The following UGT2A3 variants were observed in gnomAD, a reference collection of about 807,000 sequenced individuals.
UGT2A3 encodes the protein UDP-glucuronosyltransferase 2A3.
Under a neutral mutation model 44.1 loss-of-function variants are expected in UGT2A3, and 55 were observed. That is an observed-to-expected ratio of 1.25 (90% CI 1.00 to 1.56). The LOEUF (loss-of-function observed/expected upper bound fraction) is 1.56. Among genes scored for constraint, UGT2A3 ranks in the 40% most tolerant of loss-of-function variants. The pLI, the probability that UGT2A3 is intolerant of heterozygous loss-of-function variation, is 0.00. For missense variants in UGT2A3, 733 were observed against 621.6 expected (o/e 1.18, Z -1.91); for synonymous variants, 243 against 215.1 (o/e 1.13, Z -1.13).
chr4:68,942,955 T>C (rs184931772), intron 2 of UGT2A3, among the ~76,000 whole-genome samples: 1 of 151,958 alleles, frequency 6.6e-6, no homozygotes, highest in East Asian at 1.9e-4. Context: ...GATGGGTTTA[T>C]TATCTTGATG....
At chr4:68,941,565 A>G (rs1027903436) in intron 2 of UGT2A3, among the ~76,000 whole-genome samples, 10 of 151,944 alleles carry the variant, frequency 6.6e-5, no homozygotes, top group Non-Finnish European at 1.0e-4. Flanking sequence ...ATGATTTGTG[A>G]CATTGGTCTA....
chr4:68,930,883 A>G (rs1179462631), intron 4 of UGT2A3, 118 bp from the exon 5 acceptor site: 6 of 907,580 alleles, frequency 6.6e-6, no homozygotes. Flanking sequence ...CACTTTCTTT[A>G]GAAGGTGAGC....
chr4:68,934,423 T>C (rs1273264015), intron 2 of UGT2A3, among the ~76,000 whole-genome samples: 1 of 151,742 alleles, frequency 6.6e-6, no homozygotes, highest in East Asian at 1.9e-4. Flanking sequence ...AGAGCAGAAA[T>C]AAATGAAATA....
intron 2 of UGT2A3, among the ~76,000 whole-genome samples, chr4:68,933,029 A>C (rs1280486254): frequency 6.6e-6 from 1 of 152,066 alleles, no homozygotes; most frequent in Non-Finnish European, 1.5e-5. Context: ...ATCTCTTTTC[A>C]TGTCTGTGTC....
Position 68,929,659 on chromosome 4 carries a change from A to T in UGT2A3, c.*154T>A. On this transcript the variant is annotated 3_prime_UTR_variant, in exon 6 of 6. Coordinates refer to ENST00000251566, the MANE Select transcript of UGT2A3 (RefSeq NM_024743.4). Reference sequence around the variant, plus strand: ...GGAAAATACAACGAAAGAATGAGATATACTCACAACCTCATGATCGTGGAA... The same window carrying T: ...GGAAAATACAACGAAAGAATGAGATTTACTCACAACCTCATGATCGTGGAA... 1 of 669,084 alleles carries T rather than the reference A, an allele frequency of 1.5e-6. No homozygotes were observed. Among genetic ancestry groups the T allele is most frequent in the East Asian group, 2.7e-5 (1 of 36,640 alleles). The allele number at this position is 669,084 out of a possible 1,614,324, so 41.4% of individuals were successfully genotyped here. A position where few individuals can be genotyped will look rare whatever the true frequency, so the allele number is the denominator to read the frequency against.
intron 2 of UGT2A3, among the ~76,000 whole-genome samples, chr4:68,937,767 C>T (rs548104840): frequency 3.9e-5 from 6 of 152,120 alleles, no homozygotes; most frequent in African/African-American, 1.4e-4. Flanking sequence ...ATCAATGAAT[C>T]CAGGAGCTGG....
chr4:68,948,077 A>G (rs993994805), intron 1 of UGT2A3, among the ~76,000 whole-genome samples: 4 of 151,850 alleles, frequency 2.6e-5, no homozygotes, highest in Admixed American at 2.6e-4. Context: ...AAAGACAAGC[A>G]TTGACTTCTC....
At chr4:68,938,037 A>G (rs565524376) in intron 2 of UGT2A3, among the ~76,000 whole-genome samples, 9 of 152,188 alleles carry the variant, frequency 5.9e-5, no homozygotes, top group Middle Eastern at 3.4e-3. Context: ...GAATGGAACA[A>G]TAACAGCCTC....
At chr4:68,937,335 T>A (rs1345114704) in intron 2 of UGT2A3, among the ~76,000 whole-genome samples, 1 of 152,006 alleles carries the variant, frequency 6.6e-6, no homozygotes. Context: ...CCTTAGCAAA[T>A]GTAAAAGAAC....
At chr4:68,943,618 G>T (rs530261472) in intron 2 of UGT2A3, among the ~76,000 whole-genome samples, 1 of 151,698 alleles carries the variant, frequency 6.6e-6, no homozygotes, top group South Asian at 2.1e-4. Context: ...TATGTTGTCT[G>T]GCTATGCATT....
intron 1 of UGT2A3, among the ~76,000 whole-genome samples, chr4:68,950,222 C>T (rs10084885): frequency 0.49 from 73,922 of 151,714 alleles, 21,339 homozygotes; most frequent in Non-Finnish European, 0.67. Context: ...CAAATCAATA[C>T]ATGTAAATTC....
chr4:68,946,131 A>G (rs1718376413), intron 1 of UGT2A3, among the ~76,000 whole-genome samples: 1 of 151,676 alleles, frequency 6.6e-6, no homozygotes, highest in South Asian at 2.1e-4. Flanking sequence ...TTTCTCTCAA[A>G]TGATGTGTTT....
intron 2 of UGT2A3, among the ~76,000 whole-genome samples, chr4:68,936,259 T>G (rs908312858): frequency 2.0e-5 from 3 of 151,992 alleles, no homozygotes; most frequent in Non-Finnish European, 2.9e-5. Context: ...GACACATAAT[T>G]GTCAGATTCA....
intron 1 of UGT2A3, among the ~76,000 whole-genome samples, 186 bp from the exon 2 acceptor site, chr4:68,945,640 A>G (rs1417855308): frequency 6.6e-6 from 1 of 151,086 alleles, no homozygotes; most frequent in Non-Finnish European, 1.5e-5. Context: ...AAAGGAAAAA[A>G]GAAGGAAGGA....
Position 68,929,993 on chromosome 4 carries a change from G to T in UGT2A3, c.1404C>A (p.His468Gln), listed in dbSNP as rs1289033333. Residue 468 changes from histidine (H) to glutamine (Q), a missense_variant, in exon 6 of 6, where the codon CAC becomes CAA. Physicochemically the swap from His to Gln is conservative, Grantham distance 24. Transcript: ENST00000251566. Reference sequence around the variant, plus strand: ...CTGATCGCAGGTGCTTGGCTCCTTTGTGGCGCATGACAAACTCGATCCAGA... The same window carrying T: ...CTGATCGCAGGTGCTTGGCTCCTTTTTGGCGCATGACAAACTCGATCCAGA... ...AVFWIEFVMR[H>Q]KGAKHLRSAA... The T allele has an allele frequency of 6.2e-7, 1 of 1,613,658 alleles. No individual in the cohort carries two copies. Among genetic ancestry groups the T allele is most frequent in the East Asian group, 2.2e-5 (1 of 44,840 alleles).
At chr4:68,951,025 A>G in intron 1 of UGT2A3, 21 bp downstream of exon 1, 2 of 1,464,636 alleles carry the variant, frequency 1.4e-6, no homozygotes, top group Non-Finnish European at 1.8e-6. Flanking sequence ...CTAAATTAAA[A>G]ATAAAACAAA....
At chr4:68,936,359 G>A (rs554107984) in intron 2 of UGT2A3, among the ~76,000 whole-genome samples, 1 of 152,072 alleles carries the variant, frequency 6.6e-6, no homozygotes, top group East Asian at 1.9e-4. Context: ...ACAAACAGTG[G>A]ATCTCTCAGC....
chr4:68,931,393 A>G (rs1158565198), intron 3 of UGT2A3, 151 bp from the exon 4 acceptor site: 2 of 520,650 alleles, frequency 3.8e-6, no homozygotes, highest in African/African-American at 1.9e-5. Flanking sequence ...ACTGAAAGAT[A>G]TAGTAGGACG....
intron 2 of UGT2A3, among the ~76,000 whole-genome samples, chr4:68,938,512 C>T (rs1168138564): frequency 1.3e-5 from 2 of 152,044 alleles, no homozygotes; most frequent in Non-Finnish European, 2.9e-5. Context: ...ACCCTTCATG[C>T]TAGTAACTCT....
Sources: gnomAD v4.1 joint callset for allele counts (sites outside exome capture counted in the v4.1 genomes callset) on GRCh38, gnomAD v4.1.1 for gene constraint, MANE v1.5 for transcripts, NCBI Gene and HGNC (gene_info 2026-07-23, HGNC 2026-07-21) for gene names.